Variants in TSPAN9 observed in about 807,000 individuals in gnomAD.
The protein encoded by TSPAN9 is tetraspanin 9, also known as tetraspanin-9.
In TSPAN9, 16 loss-of-function variants were observed where a neutral mutation model predicts 31.0. That is an observed-to-expected ratio of 0.52 (90% CI 0.35 to 0.78). The LOEUF (loss-of-function observed/expected upper bound fraction) is 0.78. Ranked by LOEUF, TSPAN9 falls within the 30% of genes least tolerant of loss-of-function variation. The pLI, the probability that TSPAN9 is intolerant of heterozygous loss-of-function variation, is 0.01. For synonymous variants in TSPAN9, 145 were observed against 121.6 expected, an observed-to-expected ratio of 1.19 and a Z score of -1.27; for missense variants, 272 against 312.5, an observed-to-expected ratio of 0.87 and a Z score of 0.98.
intron 3 of TSPAN9, among the ~76,000 whole-genome samples, chr12:3,240,563 G>C (rs191469255): frequency 1.3e-5 from 2 of 152,296 alleles, no homozygotes; most frequent in East Asian, 3.9e-4. Flanking sequence ...ATCTGAATCC[G>C]GGTCTCAGGA....
At chr12:3,152,616 C>T (rs558696864) in intron 2 of TSPAN9, among the ~76,000 whole-genome samples, 34 of 141,264 alleles carry the variant, frequency 2.4e-4, no homozygotes, top group South Asian at 2.2e-3. Flanking sequence ...GACGGAGTCT[C>T]GCTCTGTTGC....
intron 2 of TSPAN9, among the ~76,000 whole-genome samples, chr12:3,105,120 A>G (rs941926544): frequency 6.6e-6 from 1 of 152,224 alleles, no homozygotes; most frequent in Admixed American, 6.5e-5. Flanking sequence ...TGCGCACAGC[A>G]GCCTCTCTGG....
intron 3 of TSPAN9, among the ~76,000 whole-genome samples, chr12:3,236,730 G>A (rs2098393956): frequency 6.6e-6 from 1 of 152,170 alleles, no homozygotes; most frequent in South Asian, 2.1e-4. Context: ...GAGAGTCCAG[G>A]CGGTGGGGTA....
chr12:3,162,479 C>A (rs922607497), intron 2 of TSPAN9, among the ~76,000 whole-genome samples: 1 of 152,154 alleles, frequency 6.6e-6, no homozygotes, highest in African/African-American at 2.4e-5. Context: ...CAGGAACCAA[C>A]AGCAGAGAGG....
intron 2 of TSPAN9, among the ~76,000 whole-genome samples, chr12:3,156,520 T>C (rs112488493): frequency 6.6e-6 from 1 of 151,546 alleles, no homozygotes; most frequent in East Asian, 1.9e-4. Context: ...GTTTTTTTTT[T>C]AGATGGAGTC....
At chr12:3,118,275 T>TTTTTTG (rs2098323503) in intron 2 of TSPAN9, among the ~76,000 whole-genome samples, 1 of 120,394 alleles carries the variant, frequency 8.3e-6, no homozygotes. Flanking sequence ...TTTTTTTTTT[T>TTTTTTG]TTTTTGAGAT....
At chr12:3,190,994 C>T (rs1158567157) in intron 2 of TSPAN9, among the ~76,000 whole-genome samples, 1 of 152,118 alleles carries the variant, frequency 6.6e-6, no homozygotes, top group Admixed American at 6.5e-5. Context: ...GCAGGATTAA[C>T]TATGCGTTAT....
At chr12:3,236,367 A>G (rs1324183513) in intron 3 of TSPAN9, among the ~76,000 whole-genome samples, 9 of 152,216 alleles carry the variant, frequency 5.9e-5, no homozygotes, top group Admixed American at 4.6e-4. Flanking sequence ...TGATTTCCAC[A>G]GCAAACCTGA....
intron 2 of TSPAN9, among the ~76,000 whole-genome samples, chr12:3,151,893 A>C (rs2098339924): frequency 6.6e-6 from 1 of 152,082 alleles, no homozygotes; most frequent in South Asian, 2.1e-4. Context: ...ATTACACTCC[A>C]GCCTGGGCGA....
chr12:3,186,543 TG>T (rs879389664), intron 2 of TSPAN9, among the ~76,000 whole-genome samples: 5 of 34,440 alleles, frequency 1.5e-4, no homozygotes, highest in Admixed American at 3.9e-4. Context: ...GCCAGGAGTT[TG>T]TTTGTGTGTG....
chr12:3,231,240 C>T lies in TSPAN9; in HGVS notation c.63+29984C>T, dbSNP rs993000589. On this transcript the variant is annotated intron_variant, in intron 3 of 8. Coordinates refer to ENST00000011898, the MANE Select transcript of TSPAN9 (RefSeq NM_006675.5). ...AGAGGCAGGGGAGAATGAAGGGAAG[C>T]GGGGCAGTCCCAAGTTCCCTAACTC... 3.9e-5 allele frequency among the ~76,000 whole-genome samples: 6 copies of T among 152,230 alleles called. No individual in the cohort carries two copies. In the East Asian group the frequency reaches 7.7e-4, roughly 20 times the overall value.
At chr12:3,186,919 G>A (rs1426736219) in intron 2 of TSPAN9, among the ~76,000 whole-genome samples, 1 of 152,164 alleles carries the variant, frequency 6.6e-6, no homozygotes, top group Non-Finnish European at 1.5e-5. Flanking sequence ...ACAGTTGTTT[G>A]CTGGAGCCTA....
intron 3 of TSPAN9, among the ~76,000 whole-genome samples, chr12:3,246,835 A>G (rs185745431): frequency 3.9e-5 from 6 of 152,200 alleles, no homozygotes; most frequent in African/African-American, 1.2e-4. Context: ...CCCTAGGACC[A>G]GGGGGGAAGA....
intron 3 of TSPAN9, among the ~76,000 whole-genome samples, chr12:3,240,097 A>G (rs2098395811): frequency 6.6e-6 from 1 of 152,042 alleles, no homozygotes; most frequent in South Asian, 2.1e-4. Flanking sequence ...TAATGTAGAG[A>G]ACCCTTGCGT....
intron 2 of TSPAN9, among the ~76,000 whole-genome samples, chr12:3,110,700 G>A (rs922206113): frequency 7.9e-5 from 12 of 152,142 alleles, no homozygotes; most frequent in African/African-American, 2.9e-4. Context: ...AAACCGACTT[G>A]GAAACAAAAA....
At chr12:3,184,172 T>G (rs1477715483) in intron 2 of TSPAN9, among the ~76,000 whole-genome samples, 3 of 151,998 alleles carry the variant, frequency 2.0e-5, no homozygotes, top group African/African-American at 7.2e-5. Context: ...GGCAGCTCGC[T>G]TGAGTTCAGG....
Position 3,227,608 on chromosome 12 carries a change from T to TTTGTGTGGCAGGCAGGC in TSPAN9, c.63+26356_63+26372dup, listed in dbSNP as rs2098388515. On this transcript the variant is annotated intron_variant, in intron 3 of 8. Transcript: ENST00000011898. Reference sequence around the variant, plus strand: ...CAGGAAAATGGGTCATGAGGGAGTGTTTGTGTGGCAGGCAGGCTTGCGTGC... The same window carrying TTTGTGTGGCAGGCAGGC: ...CAGGAAAATGGGTCATGAGGGAGTGTTTGTGTGGCAGGCAGGCTTGTGTGGCAGGCAGGCTTGCGTGC... Among the ~76,000 whole-genome samples the TTTGTGTGGCAGGCAGGC allele has an allele frequency of 3.3e-5, 5 of 152,214 alleles. 1 individual carries two copies. The highest frequency in any genetic ancestry group is 3.4e-3 in the Middle Eastern group (1 of 294).
At chr12:3,219,848 T>C (rs867638291) in intron 3 of TSPAN9, among the ~76,000 whole-genome samples, 1 of 135,918 alleles carries the variant, frequency 7.4e-6, no homozygotes, top group African/African-American at 2.8e-5. Context: ...CTTAAACTAT[T>C]AAAAAAAAAA....
At chr12:3,247,123 C>T (rs1308650837) in intron 3 of TSPAN9, among the ~76,000 whole-genome samples, 2 of 152,088 alleles carry the variant, frequency 1.3e-5, no homozygotes, top group Non-Finnish European at 2.9e-5. Flanking sequence ...CGAGCATCGT[C>T]GGGTTTATTA....
Sources: allele counts gnomAD v4.1 joint callset (sites outside exome capture counted in the v4.1 genomes callset), GRCh38; gene constraint gnomAD v4.1.1; transcripts MANE v1.5; gene names NCBI Gene and HGNC (gene_info 2026-07-23, HGNC 2026-07-21).